TMEM63A: variants seen among roughly 807,000 people sequenced by gnomAD.
TMEM63A encodes transmembrane protein 63A, also known as mechanosensitive cation channel TMEM63A.
A neutral mutation model predicts 100.6 loss-of-function variants in TMEM63A; 76 were observed. That is an observed-to-expected ratio of 0.76 (90% confidence interval 0.63 to 0.91). The LOEUF (loss-of-function observed/expected upper bound fraction) is 0.91, where lower values mean the gene tolerates loss of function less well. Among genes scored for constraint, TMEM63A ranks in the 40% least tolerant of loss-of-function variants. TMEM63A has a pLI of 0.00. For synonymous variants in TMEM63A, 401 were observed against 401.1 expected (o/e 1.00, Z 0.00); for missense variants, 876 against 1,008.8 (o/e 0.87, Z 1.78).
In TMEM63A at chr1:225,862,475, C is replaced by A. The variant is rs573617463; in HGVS notation, c.931G>T (p.Glu311Ter). 2.5e-6 allele frequency: 4 copies of A among 1,614,172 alleles called. No homozygotes were observed. In the African/African-American group the frequency reaches 5.3e-5, roughly 22 times the overall value. The change falls in exon 12 of 25, where the codon GAA (glutamate) becomes TAA (stop). Residue 311 changes from glutamate (E) to a stop codon, truncating the protein, a stop_gained. Coordinates refer to ENST00000366835, the MANE Select transcript of TMEM63A (RefSeq NM_014698.3). LOFTEE classifies it high-confidence loss of function. The surrounding 1 kb of genome is among the most constrained non-coding windows in gnomAD (Gnocchi z 5.1). Reference sequence around the variant, plus strand: ...CTTACCCACTCACAGCCCAGCACTTCACAGCAGCAAAACTGGCCACAGGGC... The same window carrying A: ...CTTACCCACTCACAGCCCAGCACTTAACAGCAGCAAAACTGGCCACAGGGC... ...PKPCGQFCCCEVLGCEWEDAI... is the reference protein window; with the variant it reads ...PKPCGQFCCC
Position 225,846,483 on chromosome 1 carries a change from T to TGGATGTAGCCTGGAGGGACTG in TMEM63A, c.*435_*455dup, listed in dbSNP as rs1668995995. The TGGATGTAGCCTGGAGGGACTG allele has an allele frequency of 6.5e-6, 1 of 152,974 alleles. No homozygotes were observed. Among genetic ancestry groups the TGGATGTAGCCTGGAGGGACTG allele is most frequent in the Non-Finnish European group, 1.5e-5 (1 of 68,648 alleles). 9.5% of individuals were successfully genotyped at this position (152,974 alleles called of 1,614,324 possible). ...CAACCTGTTCCCCATAGCTTACTCC[T>TGGATGTAGCCTGGAGGGACTG]GGATGTAGCCTGGAGGGACTGCTGG... On this transcript the variant is annotated 3_prime_UTR_variant, in exon 25 of 25. Coordinates refer to ENST00000366835, the MANE Select transcript of TMEM63A (RefSeq NM_014698.3).
rs758589329 is a variant in TMEM63A, at chr1:225,866,532, G to C, written c.675+42C>G. 4.4e-6 allele frequency: 7 copies of C among 1,580,558 alleles called. 1 individual carries two copies. In the South Asian group the frequency reaches 7.8e-5, roughly 18 times the overall value. ...GGCCCTTCCACTCCGACTCCCACCT[G>C]AGTCCCTCCCAGCACATGTCCCTAA... On this transcript the variant is annotated intron_variant, in intron 9 of 24. Coordinates refer to ENST00000366835, the MANE Select transcript of TMEM63A (RefSeq NM_014698.3).
At chr1:225,842,211 A>ATG (rs1286717810), downstream of TMEM63A, among the ~76,000 whole-genome samples, 1 of 152,256 alleles carries the variant, frequency 6.6e-6, no homozygotes, top group Non-Finnish European at 1.5e-5. Flanking sequence ...GAAGCGAGGC[A>ATG]TGTGAGCACC....
Position 225,862,706 on chromosome 1 carries a change from T to C in TMEM63A, c.827+65A>G. 1 of 1,611,164 alleles carries C rather than the reference T, an allele frequency of 6.2e-7. No homozygotes were observed. The highest frequency in any genetic ancestry group is 8.5e-7 in the Non-Finnish European group (1 of 1,178,190). The stretch of plus-strand genomic sequence containing the variant: ...GTCCAGGGCCTCCCGCCTCCCTTCC[T>C]AGCTGGGAGATGCGAGGCCAGCAAG... On this transcript the variant is annotated intron_variant, in intron 11 of 24. Transcript: ENST00000366835. This position sits in a 1 kb window ranked among gnomAD's most constrained non-coding sequence, Gnocchi z 5.1.
intron 4 of TMEM63A, among the ~76,000 whole-genome samples, chr1:225,872,421 A>G (rs1670553319): frequency 6.6e-6 from 1 of 152,246 alleles, no homozygotes; most frequent in Non-Finnish European, 1.5e-5. Flanking sequence ...CAAATCTAAG[A>G]TACCACTGGT....
At position 225,866,486 on chromosome 1, in the gene TMEM63A, G is replaced by C. The variant is rs539795799; in HGVS notation, c.675+88C>G. 2.2e-5 allele frequency: 26 copies of C among 1,194,362 alleles called. No individual in the cohort carries two copies. In the East Asian group the frequency reaches 5.9e-4, roughly 27 times the overall value. The allele number at this position is 1,194,362 out of a possible 1,614,324, so 74.0% of individuals were successfully genotyped here. On this transcript the variant is annotated intron_variant, in intron 9 of 24. Transcript: ENST00000366835. ...CCCTCCCAGAGCTCATTGCAGTCAG[G>C]GCCTGTGGCAGAGCCTGGGAGGCCC...
At position 225,869,919 on chromosome 1, in the gene TMEM63A, C is replaced by T. The variant is rs539871149; in HGVS notation, c.371+1157G>A. On this transcript the variant is annotated intron_variant, in intron 6 of 24. Coordinates refer to ENST00000366835, the MANE Select transcript of TMEM63A (RefSeq NM_014698.3). ...CTCGTGATCTGCCTGCCTCAGCCTC[C>T]CAAAGCGTTGGGATTACAGGCGTCA... Among the ~76,000 whole-genome samples, 35 of 151,936 alleles carry T rather than the reference C, an allele frequency of 2.3e-4. No homozygotes were observed. The South Asian group carries it at 7.1e-3, about 31-fold the overall frequency.
chr1:225,880,574 A>G (rs1416369654), intron 1 of TMEM63A, among the ~76,000 whole-genome samples: 1 of 152,144 alleles, frequency 6.6e-6, no homozygotes, highest in African/African-American at 2.4e-5. Context: ...GTGAATGCCT[A>G]GCACTTACCT....
At chr1:225,858,580 C>T (rs1669767361) in intron 15 of TMEM63A, among the ~76,000 whole-genome samples, 1 of 152,116 alleles carries the variant, frequency 6.6e-6, no homozygotes, top group South Asian at 2.1e-4. Context: ...CCACCTTGGC[C>T]TCCCAAAATG....
At position 225,866,875 on chromosome 1, in the gene TMEM63A, C is replaced by T. The variant is rs183800118; in HGVS notation, c.567-193G>A. On this transcript the variant is annotated intron_variant, in intron 8 of 24. Coordinates refer to ENST00000366835, the MANE Select transcript of TMEM63A (RefSeq NM_014698.3). ...TGAATACTTCAGAGGGGTCCCCATC[C>T]CTGTCCTGACAAATGAACTCCAGAT... The T allele has an allele frequency of 3.1e-4, 209 of 669,188 alleles. 1 individual carries two copies. In the African/African-American group the frequency reaches 3.5e-3, roughly 11 times the overall value. 41.5% of individuals were successfully genotyped at this position (669,188 alleles called of 1,614,324 possible).
rs181408439 is a variant in TMEM63A, at chr1:225,880,916, C to T, written c.-206+1388G>A. Among the ~76,000 whole-genome samples, 14 of 152,304 alleles carry T rather than the reference C, an allele frequency of 9.2e-5. No individual in the cohort carries two copies. The East Asian group carries it at 1.7e-3, about 19-fold the overall frequency. ...TTGCAGGAAGTATATGGATATTGTT[C>T]GTTCTTGCAAGAAGGCCCGTACAAA... On this transcript the variant is annotated intron_variant, in intron 1 of 24. Coordinates refer to ENST00000366835, the MANE Select transcript of TMEM63A (RefSeq NM_014698.3).
chr1:225,862,229 G>A lies in TMEM63A; in HGVS notation c.1074C>T (p.Ser358=), dbSNP rs191286059. Residue 358 remains serine (S), a synonymous_variant, in exon 13 of 25, where the codon TCC becomes TCT. Coordinates refer to ENST00000366835, the MANE Select transcript of TMEM63A (RefSeq NM_014698.3). This position sits in a 1 kb window ranked among gnomAD's most constrained non-coding sequence, Gnocchi z 5.1. ...GMAFVTFQEK[S]MATYILKDFN... The stretch of plus-strand genomic sequence containing the variant: ...GTGCCTACACTCACTAGGTGGCCAT[G>A]GACTTCTCCTGGAAGGTGACGAAGG... 119 of 1,614,052 alleles carry A rather than the reference G, an allele frequency of 7.4e-5. No homozygotes were observed. In the Middle Eastern group the frequency reaches 8.5e-4, roughly 11 times the overall value.
At chr1:225,873,641 C>A (rs1452120662) in intron 4 of TMEM63A, among the ~76,000 whole-genome samples, 1 of 152,168 alleles carries the variant, frequency 6.6e-6, no homozygotes, top group African/African-American at 2.4e-5. Context: ...ACAGAGAATC[C>A]TGGAGCCCCA....
At chr1:225,878,730 G>A (rs187918855) in intron 2 of TMEM63A, among the ~76,000 whole-genome samples, 41 of 152,252 alleles carry the variant, frequency 2.7e-4, no homozygotes, top group Admixed American at 2.0e-3. Context: ...CTGTTACAGG[G>A]ACAAAGATCT....
At chr1:225,859,428 T>G (rs954485300) in intron 14 of TMEM63A, 79 bp from the exon 15 acceptor site, 11 of 1,562,536 alleles carry the variant, frequency 7.0e-6, no homozygotes, top group Middle Eastern at 2.3e-4. Flanking sequence ...AGGTCAGATT[T>G]AGGCAGACCA....
chr1:225,873,984 G>T (rs897139034), intron 4 of TMEM63A, among the ~76,000 whole-genome samples: 1 of 152,178 alleles, frequency 6.6e-6, no homozygotes, highest in African/African-American at 2.4e-5. Flanking sequence ...TTTTGTTTTT[G>T]TTTTTTGTTT....
chr1:225,877,405 C>T lies in TMEM63A; in HGVS notation c.176G>A (p.Ser59Asn), dbSNP rs1253366186. Residue 59 changes from serine to asparagine, a missense_variant, in exon 3 of 25, where the codon AGC (serine) becomes AAC (asparagine). Ser to Asn is a conservative substitution (Grantham distance 46, BLOSUM62 1). Transcript: ENST00000366835. ...CATGAGGGCTCTCACCAGGAAGCAG[C>T]TGACGTCTATGAGCAGGACAGTGGG... ...GIPTVLLIDV[S>N]CFLFLILVFS... 1 of 1,612,324 alleles carries T rather than the reference C, an allele frequency of 6.2e-7. No homozygotes were observed.
chr1:225,877,993 C>T (rs1292586352), intron 2 of TMEM63A, among the ~76,000 whole-genome samples: 2 of 152,162 alleles, frequency 1.3e-5, no homozygotes, highest in Admixed American at 1.3e-4. Flanking sequence ...ATCTAGAGTA[C>T]AGGCAGAGGA....
intron 16 of TMEM63A, 63 bp from the exon 17 acceptor site, chr1:225,856,801 C>G (rs1576080070): frequency 6.9e-7 from 1 of 1,449,474 alleles, no homozygotes; most frequent in Non-Finnish European, 9.3e-7. Flanking sequence ...CCCAGTGAGG[C>G]CCCTGCCATG....
Sources: gnomAD v4.1 joint callset for allele counts (sites outside exome capture counted in the v4.1 genomes callset) on GRCh38, gnomAD v4.1.1 for gene constraint, Gnocchi (gnomAD v3.1) non-coding constraint, MANE v1.5 for transcripts, NCBI Gene and HGNC (gene_info 2026-07-23, HGNC 2026-07-21) for gene names.